Variants in CAPN6 observed in about 807,000 individuals in gnomAD.
CAPN6 encodes the protein calpain-6.
Under a neutral mutation model 46.0 loss-of-function variants are expected in CAPN6, and 16 were observed. The observed-to-expected ratio is 0.35, with a 90% confidence interval of 0.24 to 0.53. The LOEUF (loss-of-function observed/expected upper bound fraction) is 0.53. Ranked by LOEUF, CAPN6 falls within the 20% of genes least tolerant of loss-of-function variation. The pLI, the probability that CAPN6 is intolerant of heterozygous loss-of-function variation, is 0.94. For synonymous variants in CAPN6, 206 were observed against 172.8 expected, an observed-to-expected ratio of 1.19 and a Z score of -1.51; for missense variants, 461 against 498.0, an observed-to-expected ratio of 0.93 and a Z score of 0.71.
At chrX:111,266,773 GCTT>G (rs2094992295) in intron 1 of CAPN6, among the ~76,000 whole-genome samples, 1 of 112,524 alleles carries the variant, frequency 8.9e-6, no homozygotes. Flanking sequence ...ACACCACACT[GCTT>G]CTTTTGGTCA....
In CAPN6 at chrX:111,249,892, AAGGG is replaced by A. The variant is rs35840656; in HGVS notation, c.1159-839_1159-836del. Among the ~76,000 whole-genome samples, 131 of 91,276 alleles carry A rather than the reference AAGGG, an allele frequency of 1.4e-3. 2 individuals carry two copies. Among genetic ancestry groups the A allele is most frequent in the East Asian group, 9.5e-3 (23 of 2,418 alleles). 79.3% of individuals were successfully genotyped at this position (91,276 alleles called of 115,157 possible). ...GAAGGAAGGAAGGTAGGAAGAAAAG[AAGGG>A]AGGGAGGGAGGGAGGGAGGGAGGAC... On this transcript the variant is annotated intron_variant, in intron 8 of 12. Transcript: ENST00000324068.
intron 2 of CAPN6, among the ~76,000 whole-genome samples, chrX:111,262,990 T>C (rs1276111490): frequency 8.9e-6 from 1 of 112,201 alleles, no homozygotes; most frequent in Non-Finnish European, 1.9e-5. Context: ...CTTTAAAATT[T>C]GTCTCATTTA....
chrX:111,262,004 A>G (rs1267787092), intron 2 of CAPN6, among the ~76,000 whole-genome samples: 1 of 111,577 alleles, frequency 9.0e-6, no homozygotes, highest in African/African-American at 3.3e-5. Flanking sequence ...ATATCCAAGC[A>G]TCAGAAAAGA....
At position 111,251,252 on chromosome X, in the gene CAPN6, G is replaced by A. The variant is rs1299590065; in HGVS notation, c.928C>T (p.Arg310Cys). 2 of 1,207,472 alleles carry A rather than the reference G, an allele frequency of 1.7e-6. No individual in the cohort carries two copies. Among genetic ancestry groups the A allele is most frequent in the Non-Finnish European group, 2.2e-6 (2 of 894,100 alleles). Residue 310 changes from arginine (R) to cysteine (C), a missense_variant, in exon 7 of 13, where the codon CGC becomes TGC. Arg to Cys is a radical substitution (Grantham distance 180). Transcript: ENST00000324068. ...EEWQQLTASD[R>C]KNLGLVMSDD... ...GACATAACAAGCCCCAGGTTCTTGCGATCTGATGCAGTCAGTTGCTGCCAC... is the reference window on the plus strand; with the variant it reads ...GACATAACAAGCCCCAGGTTCTTGCAATCTGATGCAGTCAGTTGCTGCCAC...
chrX:111,269,910 C>G (rs1025076025), intron 1 of CAPN6, among the ~76,000 whole-genome samples: 35 of 111,844 alleles, frequency 3.1e-4, no homozygotes, highest in African/African-American at 1.1e-3. Flanking sequence ...CACAGTGTGG[C>G]TCCAAGATTT....
rs36058551 is a variant in CAPN6, at chrX:111,266,233, CAAAAA to C, written c.-15-2287_-15-2283del. ...TGGGCAACAGAGCGAGACTCCGTCTCAAAAAAAAAAAAAAAAAAAAAAAAAAGTGA... is the reference window on the plus strand; with the variant it reads ...TGGGCAACAGAGCGAGACTCCGTCTCAAAAAAAAAAAAAAAAAAAAAGTGA... On this transcript the variant is annotated intron_variant, in intron 1 of 12. Coordinates refer to ENST00000324068, the MANE Select transcript of CAPN6 (RefSeq NM_014289.4). Among the ~76,000 whole-genome samples, 4 of 34,324 alleles carry C rather than the reference CAAAAA, an allele frequency of 1.2e-4. No individual in the cohort carries two copies. In the South Asian group the frequency reaches 9.6e-3, roughly 83 times the overall value. The allele number at this position is 34,324 out of a possible 115,157, so 29.8% of individuals were successfully genotyped here.
chrX:111,265,245 G>A (rs2094990897), intron 1 of CAPN6, among the ~76,000 whole-genome samples: 2 of 112,126 alleles, frequency 1.8e-5, no homozygotes, highest in Non-Finnish European at 1.9e-5. Flanking sequence ...ATGCCTCACT[G>A]GTAAAGAAGT....
chrX:111,248,917 C>T lies in CAPN6; in HGVS notation c.1281+18G>A. The T allele has an allele frequency of 2.5e-6, 3 of 1,211,282 alleles. No individual in the cohort carries two copies. Among genetic ancestry groups the T allele is most frequent in the Non-Finnish European group, 3.4e-6 (3 of 895,254 alleles). ...TCTGTTTGCCTTCATTCTCTCTGCC[C>T]CAAATGCCCATTTTTACCTTGAAGA... On this transcript the variant is annotated intron_variant, in intron 9 of 12. Transcript: ENST00000324068.
chrX:111,264,313 G>C (rs144751909), intron 1 of CAPN6, among the ~76,000 whole-genome samples: 74 of 112,182 alleles, frequency 6.6e-4, no homozygotes, highest in Non-Finnish European at 1.4e-3. Flanking sequence ...CCAGCAGGGA[G>C]TAGTTCAAGG....
In CAPN6 at chrX:111,251,748, A is replaced by T; in HGVS notation, c.700-6T>A. On this transcript the variant is annotated splice_region_variant and splice_polypyrimidine_tract_variant and intron_variant, in intron 5 of 12. Coordinates refer to ENST00000324068, the MANE Select transcript of CAPN6 (RefSeq NM_014289.4). ...TGCTCCTCCTGATTGGGAGACTGAG[A>T]GCAAAGAAAGATATATAAAGGCACA... 2 of 1,195,140 alleles carry T rather than the reference A, an allele frequency of 1.7e-6. No homozygotes were observed. Among genetic ancestry groups the T allele is most frequent in the Non-Finnish European group, 2.3e-6 (2 of 882,206 alleles).
At chrX:111,253,255 A>G (rs1426276520) in intron 3 of CAPN6, 39 bp from the exon 4 acceptor site, 9 of 1,049,738 alleles carry the variant, frequency 8.6e-6, no homozygotes, top group Non-Finnish European at 1.2e-5. Flanking sequence ...GTTATTCACC[A>G]GACCACATCC....
At chrX:111,249,339 G>A (rs181041463) in intron 8 of CAPN6, among the ~76,000 whole-genome samples, 31 of 111,103 alleles carry the variant, frequency 2.8e-4, no homozygotes, top group Non-Finnish European at 2.1e-4. Flanking sequence ...TAAGTTCTTG[G>A]TAAATTATTG....
chrX:111,264,155 G>GCAC (rs1271612910), intron 1 of CAPN6, among the ~76,000 whole-genome samples: 1 of 111,741 alleles, frequency 8.9e-6, no homozygotes, highest in Non-Finnish European at 1.9e-5. Flanking sequence ...CTTGGGTAAG[G>GCAC]CACCTAACCA....
chrX:111,257,648 T>C (rs1005828702), intron 2 of CAPN6, among the ~76,000 whole-genome samples: 3 of 112,022 alleles, frequency 2.7e-5, no homozygotes, highest in South Asian at 3.7e-4. Context: ...TTGGACACAC[T>C]GGATATCTTC....
Position 111,252,296 on chromosome X carries a change from T to C in CAPN6, c.699+11A>G. 8.5e-7 allele frequency: 1 copy of C among 1,172,926 alleles called. No individual in the cohort carries two copies. The highest frequency in any genetic ancestry group is 1.1e-6 in the Non-Finnish European group (1 of 872,722). On this transcript the variant is annotated intron_variant, in intron 5 of 12. Transcript: ENST00000324068. ...ATGAGTATACAGTGGTTGTTTTTCATGAGTACAAACCTCAATGGAACAGCA... is the reference window on the plus strand; with the variant it reads ...ATGAGTATACAGTGGTTGTTTTTCACGAGTACAAACCTCAATGGAACAGCA...
chrX:111,262,680 T>C (rs1361332861), intron 2 of CAPN6, among the ~76,000 whole-genome samples: 1 of 111,996 alleles, frequency 8.9e-6, no homozygotes, highest in African/African-American at 3.2e-5. Flanking sequence ...TATCCAGTTA[T>C]ACCCTTTAGG....
At position 111,247,447 on chromosome X, in the gene CAPN6, T is replaced by C. The variant is rs766333190; in HGVS notation, c.1664A>G (p.Gln555Arg). 12 of 1,208,701 alleles carry C rather than the reference T, an allele frequency of 9.9e-6. No homozygotes were observed. Among genetic ancestry groups the C allele is most frequent in the Non-Finnish European group, 1.2e-5 (11 of 893,572 alleles). The change falls in exon 12 of 13, where the codon CAG (glutamine) becomes CGG (arginine). Residue 555 changes from glutamine (Q) to arginine (R), a missense_variant. Coordinates refer to ENST00000324068, the MANE Select transcript of CAPN6 (RefSeq NM_014289.4). ...AAAAATGGCATGAACTGTATTCTTC[T>C]GGACAGGAGAACGGACTTCCTCCTT... ...CGKEEVRSPV[Q>R]KNTVHAIFDT...
intron 4 of CAPN6, among the ~76,000 whole-genome samples, chrX:111,252,710 G>A (rs1324783835): frequency 8.9e-6 from 1 of 111,896 alleles, no homozygotes; most frequent in Non-Finnish European, 1.9e-5. Context: ...TTCTTTCTAC[G>A]GGGAGATATG....
chrX:111,264,685 T>C (rs946313704), intron 1 of CAPN6, among the ~76,000 whole-genome samples: 1 of 105,121 alleles, frequency 9.5e-6, no homozygotes, highest in African/African-American at 3.7e-5. Context: ...CCCATGGCAA[T>C]ACACTCTTGC....
Sources: allele counts gnomAD v4.1 joint callset (sites outside exome capture counted in the v4.1 genomes callset), GRCh38; gene constraint gnomAD v4.1.1; transcripts MANE v1.5; gene names NCBI Gene and HGNC (gene_info 2026-07-23, HGNC 2026-07-21).